The following UTS2B variants were observed in gnomAD, a reference collection of about 807,000 sequenced individuals.
UTS2B encodes the protein urotensin 2B.
UTS2B carries 21 observed loss-of-function variants against 19.2 expected under a neutral mutation model. The observed-to-expected ratio is 1.09, with a 90% CI of 0.78 to 1.58. The LOEUF is 1.58. Ranked by LOEUF, UTS2B falls within the 40% of genes most tolerant of loss-of-function variation. The probability of loss-of-function intolerance (pLI) is 0.00; values close to 1 mark genes in which losing one functional copy is unlikely to be tolerated. For synonymous variants in UTS2B, 57 were observed against 50.2 expected (o/e 1.14, Z -0.58); for missense variants, 138 against 130.3 (o/e 1.06, Z -0.29).
chr3:191,297,916 G>A (rs10937474), intron 4 of UTS2B, among the ~76,000 whole-genome samples: 99,890 of 152,064 alleles, frequency 0.66, 32,786 homozygotes, highest in African/African-American at 0.67. Flanking sequence ...TTGGTCACCT[G>A]CTTTAGAAAA....
chr3:191,308,893 T>A, intron 3 of UTS2B, among the ~76,000 whole-genome samples: 1 of 152,214 alleles, frequency 6.6e-6, no homozygotes, highest in East Asian at 1.9e-4. Context: ...ACCAGTATGA[T>A]ATTCAACAGA....
At chr3:191,296,252 C>G (rs182064009) in intron 4 of UTS2B, among the ~76,000 whole-genome samples, 1 of 146,832 alleles carries the variant, frequency 6.8e-6, no homozygotes, top group Admixed American at 6.9e-5. Context: ...CCTTCCCCAA[C>G]TTACACACAC....
chr3:191,305,763 C>A (rs940317881), intron 3 of UTS2B, among the ~76,000 whole-genome samples: 5 of 152,060 alleles, frequency 3.3e-5, no homozygotes, highest in African/African-American at 1.2e-4. Flanking sequence ...AATGGTATTG[C>A]CTAGGTTGTC....
chr3:191,318,537 C>T (rs1217741515), intron 2 of UTS2B, among the ~76,000 whole-genome samples: 2 of 152,192 alleles, frequency 1.3e-5, no homozygotes, highest in Non-Finnish European at 2.9e-5. Context: ...GGCACAATCT[C>T]AGCTCACTGC....
chr3:191,340,392 T>A, the UTS2B span, among the ~76,000 whole-genome samples: 1 of 152,246 alleles, frequency 6.6e-6, no homozygotes, highest in African/African-American at 2.4e-5. Flanking sequence ...TCATGGAGAT[T>A]TAGCAGAAAG....
chr3:191,300,714 G>T (rs1204328431), intron 4 of UTS2B, among the ~76,000 whole-genome samples: 5 of 152,208 alleles, frequency 3.3e-5, no homozygotes, highest in African/African-American at 1.2e-4. Context: ...GGATCATGGA[G>T]GTAGAATTCC....
In UTS2B at chr3:191,288,166, GAAT is replaced by G. The variant is rs1716608298; in HGVS notation, c.-124-5856_-124-5854del. On this transcript the variant is annotated intron_variant, in intron 4 of 8. Transcript: ENST00000340524. ...AAAGATAGCCTGCTTTCATGAATTA[GAAT>G]AATTAATATTGTTAAAATGTACATA... is the stretch of plus-strand genomic sequence containing the variant. Among the ~76,000 whole-genome samples, 5 of 152,124 alleles carry G rather than the reference GAAT, an allele frequency of 3.3e-5. No homozygotes were observed. The South Asian group carries it at 1.0e-3, about 32-fold the overall frequency.
At chr3:191,332,791 CT>C (rs1288839600), upstream of UTS2B, among the ~76,000 whole-genome samples, 1 of 152,198 alleles carries the variant, frequency 6.6e-6, no homozygotes, top group African/African-American at 2.4e-5. Context: ...TCCCTACTTC[CT>C]TTTGCTCTCC....
At chr3:191,342,751 T>G in the UTS2B span, among the ~76,000 whole-genome samples, 1 of 152,248 alleles carries the variant, frequency 6.6e-6, no homozygotes, top group African/African-American at 2.4e-5. Flanking sequence ...GGTTGGAGTT[T>G]CTTTAGGGAT....
In UTS2B at chr3:191,276,827, T is replaced by A; in HGVS notation, c.220A>T (p.Lys74Ter). 1 of 1,612,414 alleles carries A rather than the reference T, an allele frequency of 6.2e-7. No individual in the cohort carries two copies. The highest frequency in any genetic ancestry group is 1.1e-5 in the South Asian group (1 of 90,854). The stretch of plus-strand genomic sequence containing the variant: ...CTCACCTGGTTAAGTTCTTCCAGTT[T>A]GTTAGGTAAGGCTAGGTCTGCAAGA... ...PFNTDLALPN[K>*]LEELNQLEKL... Residue 74 changes from lysine to a stop codon, truncating the protein, a stop_gained, in exon 7 of 9, where the codon AAA (lysine) becomes TAA (stop). Transcript: ENST00000340524. LOFTEE classifies it high-confidence loss of function.
chr3:191,289,038 A>G (rs1716633724), intron 4 of UTS2B, among the ~76,000 whole-genome samples: 1 of 152,176 alleles, frequency 6.6e-6, no homozygotes, highest in East Asian at 1.9e-4. Context: ...AAATAAGCAA[A>G]AGACCTTATG....
chr3:191,305,843 C>T lies in UTS2B; in HGVS notation c.-181-1295G>A, dbSNP rs759074449. Among the ~76,000 whole-genome samples the T allele has an allele frequency of 1.3e-4, 19 of 151,974 alleles. 1 individual carries two copies. Among genetic ancestry groups the T allele is most frequent in the African/African-American group, 2.2e-4 (9 of 41,352 alleles). ...TCCATCTTGAGTTAATTTTTGTGTACGCAGTAAGGAAGGGCCCAGTTTCAA... is the reference window on the plus strand; with the variant it reads ...TCCATCTTGAGTTAATTTTTGTGTATGCAGTAAGGAAGGGCCCAGTTTCAA... On this transcript the variant is annotated intron_variant, in intron 3 of 8. Coordinates refer to ENST00000340524, the MANE Select transcript of UTS2B (RefSeq NM_198152.5).
At chr3:191,272,483 T>G (rs761955052) in intron 8 of UTS2B, among the ~76,000 whole-genome samples, 2 of 152,354 alleles carry the variant, frequency 1.3e-5, no homozygotes, top group Middle Eastern at 3.4e-3. Flanking sequence ...TGATTGCGAT[T>G]ATCCTTTCCC....
chr3:191,329,564 C>G, intron 1 of UTS2B: 5 of 1,112,908 alleles, frequency 4.5e-6, no homozygotes, highest in Admixed American at 2.7e-5. Context: ...CGAGCCCTGC[C>G]GGCCGGACTT....
intron 4 of UTS2B, among the ~76,000 whole-genome samples, chr3:191,300,849 T>G (rs1390052548): frequency 1.3e-5 from 2 of 152,216 alleles, no homozygotes; most frequent in Admixed American, 6.5e-5. Context: ...CAGGTATAAT[T>G]GTAAGATTTC....
Position 191,330,324 on chromosome 3 carries a change from C to A in UTS2B, c.-665+90G>T, listed in dbSNP as rs68137773. On this transcript the variant is annotated intron_variant, in intron 1 of 8. Transcript: ENST00000340524. ...ACACACACACACACACACACACACA[C>A]ACACAATAGTGAGCGAGGGGAACAG... The A allele has an allele frequency of 4.6e-3, 576 of 124,878 alleles. 5 individuals carry two copies. Among genetic ancestry groups the A allele is most frequent in the African/African-American group, 0.014 (467 of 33,682 alleles). 7.7% of individuals were successfully genotyped at this position (124,878 alleles called of 1,614,324 possible).
chr3:191,295,616 C>T (rs951691215), intron 4 of UTS2B, among the ~76,000 whole-genome samples: 3 of 151,960 alleles, frequency 2.0e-5, no homozygotes, highest in Non-Finnish European at 2.9e-5. Flanking sequence ...CACACCTGTG[C>T]ATCCAAAGAC....
At chr3:191,275,887 G>C (rs1716224304) in intron 7 of UTS2B, among the ~76,000 whole-genome samples, 1 of 152,140 alleles carries the variant, frequency 6.6e-6, no homozygotes, top group African/African-American at 2.4e-5. Context: ...AAAGGTACAT[G>C]ACTCAACAAA....
At chr3:191,305,105 T>C (rs1413779185) in intron 3 of UTS2B, among the ~76,000 whole-genome samples, 1 of 152,238 alleles carries the variant, frequency 6.6e-6, no homozygotes, top group Non-Finnish European at 1.5e-5. Context: ...TCTTTGCTAC[T>C]GTGAATACTG....
Sources: gnomAD v4.1 joint callset for allele counts (sites outside exome capture counted in the v4.1 genomes callset) on GRCh38, gnomAD v4.1.1 for gene constraint, MANE v1.5 for transcripts, NCBI Gene and HGNC (gene_info 2026-07-23, HGNC 2026-07-21) for gene names.